The following TCF12 variants were observed in gnomAD, a reference collection of about 807,000 sequenced individuals.
TCF12 encodes DNA-binding protein HTF4.
A neutral mutation model predicts 86.0 loss-of-function variants in TCF12; 45 were observed. The ratio of observed to expected loss-of-function variants is 0.52; its 90% CI spans 0.41 to 0.67. TCF12 has a LOEUF of 0.67. TCF12 is among the 30% of genes least tolerant of loss of function. The probability of loss-of-function intolerance (pLI) is 0.00; values close to 1 mark genes in which losing one functional copy is unlikely to be tolerated. For synonymous variants in TCF12, 330 were observed against 299.6 expected (o/e 1.10, Z -1.05); for missense variants, 881 against 859.9 (o/e 1.02, Z -0.31).
rs1298976259 is a variant in TCF12, at chr15:57,063,815, T to A, written c.214T>A (p.Ser72Thr). Residue 72 changes from serine (S) to threonine (T), a missense_variant, in exon 4 of 21, where the codon TCA (serine) becomes ACA (threonine). Physicochemically the swap from Ser to Thr is moderately conservative, Grantham distance 58. This residue lies in a region of TCF12 where 766 missense variants were observed against 718.9 expected (regional missense o/e 1.07). Coordinates refer to ENST00000333725, the MANE Select transcript of TCF12 (RefSeq NM_207037.2). The stretch of plus-strand genomic sequence containing the variant: ...TGGTCAACCAAGTCCTTCCTATGAT[T>A]CATCTAGAGTAAGTTTGCTGATCAA... ...TSGQPSPSYD[S>T]SRGFTDSPHY... 2 of 1,597,386 alleles carry A rather than the reference T, an allele frequency of 1.3e-6. No homozygotes were observed. The highest frequency in any genetic ancestry group is 1.7e-6 in the Non-Finnish European group (2 of 1,167,040).
At chr15:56,998,890 A>C (rs990020846) in intron 3 of TCF12, among the ~76,000 whole-genome samples, 12 of 152,142 alleles carry the variant, frequency 7.9e-5, no homozygotes, top group Non-Finnish European at 1.5e-4. Context: ...TAACACAGAA[A>C]TCTCCAAGTA....
intron 8 of TCF12, among the ~76,000 whole-genome samples, chr15:57,218,011 G>A (rs1351285450): frequency 6.6e-6 from 1 of 152,058 alleles, no homozygotes; most frequent in African/African-American, 2.4e-5. Context: ...GTGTGGGGAG[G>A]TTTTATTGTT....
intron 3 of TCF12, among the ~76,000 whole-genome samples, chr15:56,936,609 C>G (rs2060480976): frequency 6.6e-6 from 1 of 152,076 alleles, no homozygotes; most frequent in Non-Finnish European, 1.5e-5. Context: ...TTTAAAGTTT[C>G]AGGTCTTAGA....
rs2067102469 is a variant in TCF12, at chr15:57,044,513, A to T, written c.149-19237A>T. On this transcript the variant is annotated intron_variant, in intron 3 of 20. Transcript: ENST00000333725. ...GAGAAATTTACAGGGCATATATTCTACCTGTTGAATGAATCATCATGCTCA... is the reference window on the plus strand; with the variant it reads ...GAGAAATTTACAGGGCATATATTCTTCCTGTTGAATGAATCATCATGCTCA... Among the ~76,000 whole-genome samples the T allele has an allele frequency of 2.6e-5, 4 of 152,276 alleles. No individual in the cohort carries two copies. In the South Asian group the frequency reaches 8.3e-4, roughly 32 times the overall value.
chr15:57,037,430 C>CAAAA (rs149616566), intron 3 of TCF12, among the ~76,000 whole-genome samples: 2 of 131,288 alleles, frequency 1.5e-5, no homozygotes, highest in South Asian at 4.8e-4. Context: ...GACAAGAGCT[C>CAAAA]AAAAAAACAA....
chr15:57,050,043 G>A (rs2067505332), intron 3 of TCF12, among the ~76,000 whole-genome samples: 1 of 152,054 alleles, frequency 6.6e-6, no homozygotes, highest in South Asian at 2.1e-4. Context: ...TCTTATCACA[G>A]TTTACTCGGA....
chr15:57,267,158 T>C (rs1483448029), intron 18 of TCF12, among the ~76,000 whole-genome samples: 1 of 152,240 alleles, frequency 6.6e-6, no homozygotes, highest in African/African-American at 2.4e-5. Flanking sequence ...ATTTAAAACA[T>C]TGTTCTTTGT....
intron 5 of TCF12, among the ~76,000 whole-genome samples, chr15:57,095,106 A>G (rs2049237404): frequency 6.6e-6 from 1 of 152,212 alleles, no homozygotes; most frequent in Non-Finnish European, 1.5e-5. Context: ...CAATATGGGA[A>G]AGAGGGCTTT....
intron 8 of TCF12, among the ~76,000 whole-genome samples, chr15:57,223,643 GTTTTTTTTTTTT>G (rs550493641): frequency 1.6e-4 from 11 of 69,690 alleles, no homozygotes; most frequent in South Asian, 1.4e-3. Flanking sequence ...TACCAATGAG[GTTTTTTTTTTTT>G]TTTTTTTTTT....
chr15:56,960,447 T>TTTTTGTTG (rs2061693737), intron 3 of TCF12, among the ~76,000 whole-genome samples: 1 of 129,492 alleles, frequency 7.7e-6, no homozygotes, highest in African/African-American at 2.7e-5. Context: ...TTTTTTTTTT[T>TTTTTGTTG]GAGATGGAGT....
In TCF12 at chr15:57,056,116, G is replaced by GGGGT. The variant is rs367596955; in HGVS notation, c.149-7633_149-7632insGGTG. Among the ~76,000 whole-genome samples the GGGGT allele has an allele frequency of 2.2e-4, 32 of 143,332 alleles. 1 individual carries two copies. The highest frequency in any genetic ancestry group is 3.6e-3 in the Middle Eastern group (1 of 276). The allele number at this position is 143,332 out of a possible 152,430, so 94.0% of individuals were successfully genotyped here. ...TAAATTTCAGATACTTAGTTTTAGGGGTGTGTGTGTGTGTGTGTGTGTGTG... is the reference window on the plus strand; with the variant it reads ...TAAATTTCAGATACTTAGTTTTAGGGGGGTGTGTGTGTGTGTGTGTGTGTGTGTG... On this transcript the variant is annotated intron_variant, in intron 3 of 20. Transcript: ENST00000333725.
intron 8 of TCF12, among the ~76,000 whole-genome samples, chr15:57,203,577 A>T (rs2057661556): frequency 6.6e-6 from 1 of 152,206 alleles, no homozygotes; most frequent in African/African-American, 2.4e-5. Context: ...ACTCTGCATC[A>T]AAATGACGTG....
At chr15:57,054,187 G>A (rs186622332) in intron 3 of TCF12, among the ~76,000 whole-genome samples, 31 of 151,992 alleles carry the variant, frequency 2.0e-4, no homozygotes, top group African/African-American at 6.5e-4. Flanking sequence ...CTTGAACCAG[G>A]GAGTACATGG....
intron 5 of TCF12, among the ~76,000 whole-genome samples, chr15:57,163,525 C>T (rs1333693636): frequency 2.0e-5 from 3 of 151,814 alleles, no homozygotes; most frequent in Non-Finnish European, 4.4e-5. Flanking sequence ...TACTATGAGA[C>T]CCTGTCTCTA....
chr15:57,243,322 G>A, intron 12 of TCF12, 150 bp from the exon 13 acceptor site: 1 of 574,538 alleles, frequency 1.7e-6, no homozygotes, highest in Non-Finnish European at 3.0e-6. Context: ...GCTTCTGTAT[G>A]ATGAAACAGT....
At chr15:57,234,654 C>T (rs376886824) in intron 12 of TCF12, among the ~76,000 whole-genome samples, 8 of 152,184 alleles carry the variant, frequency 5.3e-5, no homozygotes, top group African/African-American at 1.9e-4. Context: ...AGTTCACATA[C>T]ATCACTTCAG....
intron 3 of TCF12, among the ~76,000 whole-genome samples, chr15:56,935,492 C>T (rs1423042953): frequency 3.3e-5 from 5 of 151,660 alleles, no homozygotes; most frequent in African/African-American, 4.9e-5. Context: ...TTTTTGTTTC[C>T]GTAGGTTTTT....
chr15:57,197,552 T>C (rs2057333874), intron 7 of TCF12, among the ~76,000 whole-genome samples: 2 of 152,326 alleles, frequency 1.3e-5, no homozygotes, highest in Non-Finnish European at 2.9e-5. Flanking sequence ...TTCCCAAATT[T>C]ATGGGATATG....
At chr15:56,988,338 C>T (rs530318936) in intron 3 of TCF12, among the ~76,000 whole-genome samples, 1 of 152,208 alleles carries the variant, frequency 6.6e-6, no homozygotes, top group South Asian at 2.1e-4. Flanking sequence ...AGGCTACAAA[C>T]CTGTACAGCA....
Sources: allele counts gnomAD v4.1 joint callset (sites outside exome capture counted in the v4.1 genomes callset), GRCh38; gene constraint gnomAD v4.1.1; regional missense constraint gnomAD v4.1.1; transcripts MANE v1.5; gene names NCBI Gene and HGNC (gene_info 2026-07-23, HGNC 2026-07-21).